DEUP1: variants seen among roughly 807,000 people sequenced by gnomAD.
The protein encoded by DEUP1 is deuterosome assembly protein 1.
In DEUP1, 82 loss-of-function variants were observed where a neutral mutation model predicts 87.4. The ratio of observed to expected loss-of-function variants is 0.94; its 90% CI spans 0.78 to 1.13. The LOEUF (loss-of-function observed/expected upper bound fraction) is 1.13, where lower values mean the gene tolerates loss of function less well. Among genes scored for constraint, DEUP1 ranks in the 50% most tolerant of loss-of-function variants. The pLI, the probability that DEUP1 is intolerant of heterozygous loss-of-function variation, is 0.00. For missense variants in DEUP1, 663 were observed against 681.5 expected, an observed-to-expected ratio of 0.97 and a Z score of 0.30; for synonymous variants, 214 against 222.7, an observed-to-expected ratio of 0.96 and a Z score of 0.35.
intron 11 of DEUP1, among the ~76,000 whole-genome samples, chr11:93,396,682 T>C (rs1379673143): frequency 6.6e-6 from 1 of 152,180 alleles, no homozygotes; most frequent in Admixed American, 6.5e-5. Context: ...GAAACCCCAG[T>C]CAGAATGAAT....
At chr11:93,332,104 A>C in intron 1 of DEUP1, 112 bp from the exon 2 acceptor site, 1 of 588,464 alleles carries the variant, frequency 1.7e-6, no homozygotes, top group South Asian at 2.4e-5. Flanking sequence ...ATCAAGAGCT[A>C]CTACACAGAA....
At chr11:93,420,777 A>AC (rs1947850787) in intron 13 of DEUP1, among the ~76,000 whole-genome samples, 1 of 129,318 alleles carries the variant, frequency 7.7e-6, no homozygotes, top group Non-Finnish European at 1.6e-5. Context: ...TAACAGACAA[A>AC]CAGAGAGCCA....
chr11:93,351,595 C>A lies in DEUP1; in HGVS notation c.30-3776C>A, dbSNP rs925057261. ...GGAAACACCAGGCCATAGTTCTATT[C>A]TTTCCCCCTACAATTCCAATTAAAT... On this transcript the variant is annotated intron_variant, in intron 2 of 13. Coordinates refer to ENST00000298050, the MANE Select transcript of DEUP1 (RefSeq NM_181645.4). 2.6e-5 allele frequency among the ~76,000 whole-genome samples: 4 copies of A among 152,212 alleles called. No homozygotes were observed. In the East Asian group the frequency reaches 7.7e-4, roughly 29 times the overall value.
chr11:93,373,516 T>C (rs903565540), intron 7 of DEUP1, among the ~76,000 whole-genome samples: 5 of 150,794 alleles, frequency 3.3e-5, no homozygotes, highest in African/African-American at 1.2e-4. Flanking sequence ...TTTAATTCCA[T>C]CCAGGTTGCT....
At chr11:93,419,142 C>A (rs796266465) in intron 13 of DEUP1, among the ~76,000 whole-genome samples, 7 of 150,780 alleles carry the variant, frequency 4.6e-5, no homozygotes, top group African/African-American at 1.7e-4. Context: ...TGTAACTAAC[C>A]TGCACATTGT....
At chr11:93,374,898 C>G (rs1041730395) in intron 7 of DEUP1, among the ~76,000 whole-genome samples, 23 of 152,026 alleles carry the variant, frequency 1.5e-4, no homozygotes, top group African/African-American at 5.6e-4. Context: ...ATTGATTCTA[C>G]CCATCCATGA....
intron 2 of DEUP1, among the ~76,000 whole-genome samples, chr11:93,345,421 G>A (rs1329798650): frequency 6.6e-6 from 1 of 152,146 alleles, no homozygotes. Flanking sequence ...TTAGGTCTTT[G>A]AGGAATCACC....
intron 9 of DEUP1, among the ~76,000 whole-genome samples, chr11:93,390,805 C>G (rs1029302022): frequency 3.3e-5 from 5 of 151,984 alleles, no homozygotes; most frequent in Non-Finnish European, 7.4e-5. Flanking sequence ...TCCAAGTGGC[C>G]GGGCATGGTG....
intron 5 of DEUP1, among the ~76,000 whole-genome samples, chr11:93,368,806 C>T (rs1359010884): frequency 6.6e-6 from 1 of 151,958 alleles, no homozygotes. Flanking sequence ...TGTAGTGGCA[C>T]GTGACTGTAA....
chr11:93,394,393 G>A, intron 9 of DEUP1, 66 bp from the exon 10 acceptor site: 1 of 1,259,890 alleles, frequency 7.9e-7, no homozygotes, highest in East Asian at 2.6e-5. Context: ...AACATGGCCA[G>A]TAAAATTTTA....
At chr11:93,372,299 C>A (rs1461801612) in intron 7 of DEUP1, among the ~76,000 whole-genome samples, 2 of 152,140 alleles carry the variant, frequency 1.3e-5, no homozygotes, top group Non-Finnish European at 2.9e-5. Flanking sequence ...TTTTCTCCCA[C>A]CTCCAAATAT....
At chr11:93,420,307 C>T in intron 13 of DEUP1, among the ~76,000 whole-genome samples, 1 of 152,050 alleles carries the variant, frequency 6.6e-6, no homozygotes, top group African/African-American at 2.4e-5. Context: ...GAACCAAAGA[C>T]AAAAACCACA....
At chr11:93,332,621 G>A (rs781590830) in intron 2 of DEUP1, among the ~76,000 whole-genome samples, 2 of 152,086 alleles carry the variant, frequency 1.3e-5, no homozygotes, top group African/African-American at 2.4e-5. Flanking sequence ...CTTTTTTGCC[G>A]CATTGAGTAT....
Position 93,405,560 on chromosome 11 carries a change from G to T in DEUP1, c.1327-2671G>T, listed in dbSNP as rs551708152. ...TTCTTCCATTCAAAAATGAGACTTT[G>T]CTACATATTTACTAAACCTCCATAA... On this transcript the variant is annotated intron_variant, in intron 11 of 13. Transcript: ENST00000298050. Among the ~76,000 whole-genome samples the T allele has an allele frequency of 3.3e-5, 5 of 152,010 alleles. No individual in the cohort carries two copies. In the East Asian group the frequency reaches 9.6e-4, roughly 29 times the overall value.
At chr11:93,413,241 A>ATT (rs11331603) in intron 12 of DEUP1, among the ~76,000 whole-genome samples, 3 of 118,042 alleles carry the variant, frequency 2.5e-5, no homozygotes, top group Non-Finnish European at 5.4e-5. Flanking sequence ...GTCTTTGATG[A>ATT]TTTTTTTTTT....
intron 13 of DEUP1, among the ~76,000 whole-genome samples, chr11:93,415,675 A>G (rs919176418): frequency 6.6e-6 from 1 of 151,864 alleles, no homozygotes; most frequent in Admixed American, 6.6e-5. Flanking sequence ...CCTGACTTTT[A>G]GCATTATCGA....
intron 12 of DEUP1, among the ~76,000 whole-genome samples, chr11:93,413,600 C>A (rs376041182): frequency 2.6e-5 from 4 of 152,122 alleles, no homozygotes; most frequent in African/African-American, 9.7e-5. Flanking sequence ...TATTTAATCC[C>A]AAACAGCCCA....
At chr11:93,436,218 C>T (rs1044997685) in intron 13 of DEUP1, among the ~76,000 whole-genome samples, 2 of 152,092 alleles carry the variant, frequency 1.3e-5, no homozygotes, top group Non-Finnish European at 2.9e-5. Context: ...TCTTTCCATC[C>T]CTTTAACATA....
At chr11:93,353,095 T>C (rs1249028081) in intron 2 of DEUP1, among the ~76,000 whole-genome samples, 1 of 152,172 alleles carries the variant, frequency 6.6e-6, no homozygotes, top group Non-Finnish European at 1.5e-5. Context: ...CCTATGAGCC[T>C]GTAAGATCAA....
Sources: gnomAD v4.1 joint callset for allele counts (sites outside exome capture counted in the v4.1 genomes callset) on GRCh38, gnomAD v4.1.1 for gene constraint, MANE v1.5 for transcripts, NCBI Gene and HGNC (gene_info 2026-07-23, HGNC 2026-07-21) for gene names.